Variants in LRRIQ3 observed in about 807,000 individuals in gnomAD.
The protein encoded by LRRIQ3 is leucine rich repeats and IQ motif containing 3.
A neutral mutation model predicts 59.3 loss-of-function variants in LRRIQ3; 75 were observed. The ratio of observed to expected loss-of-function variants is 1.26; its 90% CI spans 1.05 to 1.53. LRRIQ3 has a LOEUF of 1.53. Ranked by LOEUF, LRRIQ3 falls within the 40% of genes most tolerant of loss-of-function variation. The probability of loss-of-function intolerance (pLI) is 0.00; values close to 1 mark genes in which losing one functional copy is unlikely to be tolerated. For synonymous variants in LRRIQ3, 250 were observed against 231.3 expected (o/e 1.08, Z -0.73); for missense variants, 831 against 710.0 (o/e 1.17, Z -1.94).
At chr1:74,059,347 C>CTTTTTTTTTTTTTTTTTTTT (rs1557597218) in intron 6 of LRRIQ3, among the ~76,000 whole-genome samples, 11 of 151,896 alleles carry the variant, frequency 7.2e-5, no homozygotes, top group African/African-American at 2.4e-4. Flanking sequence ...CTCCCATCTT[C>CTTTTTTTTTTTTTTTTTTTT]TCTTTTAAGA....
intron 4 of LRRIQ3, among the ~76,000 whole-genome samples, chr1:74,118,687 T>C (rs1440090492): frequency 6.6e-6 from 1 of 151,830 alleles, no homozygotes; most frequent in Non-Finnish European, 1.5e-5. Context: ...AAAAAAAATA[T>C]AGAGATATAT....
At chr1:74,112,770 GA>G (rs1463717682) in intron 4 of LRRIQ3, among the ~76,000 whole-genome samples, 1 of 152,052 alleles carries the variant, frequency 6.6e-6, no homozygotes, top group African/African-American at 2.4e-5. Flanking sequence ...ACAATGCAGG[GA>G]AAATAGACTT....
intron 7 of LRRIQ3, among the ~76,000 whole-genome samples, chr1:74,037,874 T>C (rs1439000327): frequency 1.3e-5 from 2 of 152,074 alleles, no homozygotes; most frequent in Non-Finnish European, 2.9e-5. Context: ...AGGATCCCAC[T>C]CATGAACCCA....
chr1:74,172,521 T>C (rs919709644), intron 3 of LRRIQ3, among the ~76,000 whole-genome samples: 2 of 152,168 alleles, frequency 1.3e-5, no homozygotes, highest in Non-Finnish European at 2.9e-5. Flanking sequence ...CTAAAGAAGG[T>C]TCTGTGTGTG....
intron 6 of LRRIQ3, among the ~76,000 whole-genome samples, chr1:74,064,365 G>A (rs1400184214): frequency 1.3e-5 from 2 of 151,812 alleles, no homozygotes; most frequent in East Asian, 3.9e-4. Flanking sequence ...ATTACTATAT[G>A]TTATATGGCC....
At chr1:74,045,372 C>T (rs1391679425) in intron 6 of LRRIQ3, among the ~76,000 whole-genome samples, 1 of 152,162 alleles carries the variant, frequency 6.6e-6, no homozygotes, top group Non-Finnish European at 1.5e-5. Context: ...ACATGATTAT[C>T]TCAATAGTTG....
At chr1:74,176,455 T>G (rs1444061716) in intron 3 of LRRIQ3, among the ~76,000 whole-genome samples, 1 of 152,154 alleles carries the variant, frequency 6.6e-6, no homozygotes, top group Non-Finnish European at 1.5e-5. Flanking sequence ...TTGGGCTGAT[T>G]TGGGGTTTTC....
Position 74,198,121 on chromosome 1 carries a change from A to G in LRRIQ3, c.-126T>C. ...TGCTAGAGAAACAAGACAACATCCA[A>G]GTTCTCCACATCATGGTTTTCCGGG... is the stretch of plus-strand genomic sequence containing the variant. On this transcript the variant is annotated 5_prime_UTR_variant, in exon 1 of 8. Transcript: ENST00000354431. 1 of 1,409,624 alleles carries G rather than the reference A, an allele frequency of 7.1e-7. No homozygotes were observed. Among genetic ancestry groups the G allele is most frequent in the Admixed American group, 2.7e-5 (1 of 37,356 alleles). 87.3% of individuals were successfully genotyped at this position (1,409,624 alleles called of 1,614,324 possible).
chr1:74,183,478 TTGAAG>T lies in LRRIQ3; in HGVS notation c.202_206del (p.Leu68LysfsTer9). The T allele has an allele frequency of 6.2e-7, 1 of 1,607,360 alleles. No individual in the cohort carries two copies. Among genetic ancestry groups the T allele is most frequent in the South Asian group, 1.1e-5 (1 of 90,146 alleles). On this transcript the variant is annotated frameshift_variant, in exon 2 of 8. Coordinates refer to ENST00000354431, the MANE Select transcript of LRRIQ3 (RefSeq NM_001105659.2). LOFTEE classifies it high-confidence loss of function. Reference sequence around the variant, plus strand: ...CAAGTTTGATTAATTTTATACAACTTTGAAGTGGATGAATATCTGTAATAAAATTG... The same window carrying T: ...CAAGTTTGATTAATTTTATACAACTTTGGATGAATATCTGTAATAAAATTG...
At chr1:74,184,319 G>A (rs187958624) in intron 1 of LRRIQ3, among the ~76,000 whole-genome samples, 3 of 151,922 alleles carry the variant, frequency 2.0e-5, no homozygotes, top group South Asian at 4.1e-4. Flanking sequence ...TTGGATAAAT[G>A]GTTTTTAATA....
intron 4 of LRRIQ3, among the ~76,000 whole-genome samples, chr1:74,135,221 T>C (rs927297235): frequency 3.9e-5 from 6 of 152,046 alleles, no homozygotes; most frequent in African/African-American, 1.2e-4. Flanking sequence ...TAAGTATGTA[T>C]GTACCCAACA....
intron 1 of LRRIQ3, 118 bp from the exon 2 acceptor site, chr1:74,183,802 T>A (rs1054556754): frequency 1.0e-5 from 8 of 792,292 alleles, no homozygotes; most frequent in Admixed American, 3.7e-5. Flanking sequence ...AGTTAAAATT[T>A]AAAAAAACTC....
At chr1:74,106,563 G>A (rs1393195009) in intron 5 of LRRIQ3, among the ~76,000 whole-genome samples, 2 of 151,892 alleles carry the variant, frequency 1.3e-5, no homozygotes, top group African/African-American at 4.8e-5. Flanking sequence ...AGGTAATAAA[G>A]GAATTACCAC....
intron 5 of LRRIQ3, among the ~76,000 whole-genome samples, chr1:74,099,387 C>T (rs896308509): frequency 3.9e-5 from 6 of 152,154 alleles, no homozygotes; most frequent in East Asian, 1.9e-4. Flanking sequence ...AGACCAATAA[C>T]AGGCTCTGAA....
intron 1 of LRRIQ3, among the ~76,000 whole-genome samples, chr1:74,190,049 A>G (rs924733354): frequency 5.3e-5 from 8 of 152,158 alleles, no homozygotes; most frequent in African/African-American, 1.9e-4. Context: ...CATCCTAACA[A>G]CACATTAGAA....
intron 7 of LRRIQ3, among the ~76,000 whole-genome samples, chr1:74,030,806 C>A (rs1344506354): frequency 6.6e-6 from 1 of 152,112 alleles, no homozygotes; most frequent in Non-Finnish European, 1.5e-5. Flanking sequence ...AAAGAAACTA[C>A]CATCAGAATG....
chr1:74,054,115 T>C (rs1026088787), intron 6 of LRRIQ3, among the ~76,000 whole-genome samples: 3 of 152,068 alleles, frequency 2.0e-5, no homozygotes, highest in African/African-American at 7.2e-5. Context: ...TGGCAAAATA[T>C]GGAAACTACC....
At chr1:74,034,372 T>A (rs921086546) in intron 7 of LRRIQ3, among the ~76,000 whole-genome samples, 2 of 152,004 alleles carry the variant, frequency 1.3e-5, no homozygotes, top group African/African-American at 2.4e-5. Context: ...CCTATTCTTA[T>A]GTGCTCTGCA....
At chr1:74,099,487 G>A (rs1197588938) in intron 5 of LRRIQ3, among the ~76,000 whole-genome samples, 1 of 152,108 alleles carries the variant, frequency 6.6e-6, no homozygotes, top group African/African-American at 2.4e-5. Flanking sequence ...ACAAGAAGGA[G>A]CTGGTACCAT....
Sources: allele counts gnomAD v4.1 joint callset (sites outside exome capture counted in the v4.1 genomes callset), GRCh38; gene constraint gnomAD v4.1.1; transcripts MANE v1.5; gene names NCBI Gene and HGNC (gene_info 2026-07-23, HGNC 2026-07-21).